Variants in NOS1 observed in about 807,000 individuals in gnomAD.
The protein encoded by NOS1 is nitric oxide synthase 1.
NOS1 carries 51 observed loss-of-function variants against 164.5 expected under a neutral mutation model. The observed-to-expected ratio is 0.31, with a 90% CI of 0.25 to 0.39. The LOEUF (loss-of-function observed/expected upper bound fraction) is 0.39, where lower values mean the gene tolerates loss of function less well. Ranked by LOEUF, NOS1 falls within the 10% of genes least tolerant of loss-of-function variation. The probability of loss-of-function intolerance (pLI) is 1.00; values close to 1 mark genes in which losing one functional copy is unlikely to be tolerated. For synonymous variants in NOS1, 719 were observed against 745.8 expected (o/e 0.96, Z 0.59); for missense variants, 1,362 against 1,885.6 (o/e 0.72, Z 5.14).
At chr12:117,224,421 G>C in intron 25 of NOS1, among the ~76,000 whole-genome samples, 1 of 152,112 alleles carries the variant, frequency 6.6e-6, no homozygotes, top group East Asian at 1.9e-4. Context: ...AAGCAGCTGG[G>C]ACTACATGTG....
intron 1 of NOS1, among the ~76,000 whole-genome samples, chr12:117,340,844 C>T (rs1229687711): frequency 6.6e-6 from 1 of 150,794 alleles, no homozygotes; most frequent in Non-Finnish European, 1.5e-5. Context: ...CTGCCTCAGC[C>T]TCCTGAGTAG....
chr12:117,351,236 C>CT (rs1290805681), intron 1 of NOS1, among the ~76,000 whole-genome samples: 1 of 152,198 alleles, frequency 6.6e-6, no homozygotes, highest in East Asian at 1.9e-4. Flanking sequence ...TTTCTCTGCT[C>CT]TCTCCCTCTC....
At chr12:117,215,411 C>T in intron 28 of NOS1, 87 bp from the exon 29 acceptor site, 2 of 1,382,384 alleles carry the variant, frequency 1.4e-6, no homozygotes, top group Non-Finnish European at 9.5e-7. Context: ...ATCACCCATG[C>T]TCTGGGCTCA....
chr12:117,265,402 T>A lies in NOS1; in HGVS notation c.2050A>T (p.Ile684Phe), dbSNP rs1439010643. The A allele has an allele frequency of 6.3e-7, 1 of 1,597,734 alleles. No homozygotes were observed. Among genetic ancestry groups the A allele is most frequent in the Non-Finnish European group, 8.5e-7 (1 of 1,172,430 alleles). Residue 684 changes from isoleucine (I) to phenylalanine (F), a missense_variant, in exon 12 of 29, where the codon ATC (isoleucine) becomes TTC (phenylalanine). Around this residue, in one of 4 missense-constraint regions of NOS1, gnomAD observed 737 missense variants for 1,030.3 expected, o/e 0.72. Transcript: ENST00000317775. ...RGGCPADWVWIVPPMSGSITP... is the reference protein window; with the variant it reads ...RGGCPADWVWFVPPMSGSITP... ...ATGCTTCCGGACATGGGGGGCACGATCCACACCCAGTCGGCAGGGCAGCCC... is the reference window on the plus strand; with the variant it reads ...ATGCTTCCGGACATGGGGGGCACGAACCACACCCAGTCGGCAGGGCAGCCC...
At chr12:117,336,313 G>A (rs1050507986) in intron 1 of NOS1, among the ~76,000 whole-genome samples, 5 of 152,136 alleles carry the variant, frequency 3.3e-5, no homozygotes, top group African/African-American at 4.8e-5. Context: ...GGATGAAGAG[G>A]AGCCACCAAG....
At position 117,290,334 on chromosome 12, in the gene NOS1, C is replaced by T. The variant is rs543293957; in HGVS notation, c.945G>A (p.Val315=). The change falls in exon 4 of 29, where the codon GTG becomes GTA. Residue 315 remains valine (V), a synonymous_variant. Transcript: ENST00000317775. ...TAAGGTGGAGGGTGTCAGTGAGAAC[C>T]ACCTCAGTCTCCCAGTTCTTGACCT... is the stretch of plus-strand genomic sequence containing the variant. ...FLKVKNWETE[V]VLTDTLHLKS... is the part of the protein sequence containing the mutation. 5 of 1,614,116 alleles carry T rather than the reference C, an allele frequency of 3.1e-6. 1 individual carries two copies. The South Asian group carries it at 5.5e-5, about 18-fold the overall frequency.
chr12:117,214,984 G>GA lies in NOS1; in HGVS notation c.*324dup. 1 of 1,110,338 alleles carries GA rather than the reference G, an allele frequency of 9.0e-7. No individual in the cohort carries two copies. Among genetic ancestry groups the GA allele is most frequent in the East Asian group, 4.9e-5 (1 of 20,274 alleles). 68.8% of individuals were successfully genotyped at this position (1,110,338 alleles called of 1,614,324 possible). ...GCAGCCTTTCCAGGGGAACCCCAGA[G>GA]AAAAAAACCCCCACAGCGACGGCCA... On this transcript the variant is annotated 3_prime_UTR_variant, in exon 29 of 29. Coordinates refer to ENST00000317775, the MANE Select transcript of NOS1 (RefSeq NM_000620.5).
chr12:117,210,364 G>A lies in NOS1; in HGVS notation c.*4945C>T. ...AGAGTATGAATGGGTTATAAAGGAA[G>A]ACTAGTTAGTGTTTCTCTCTCCTTG... On this transcript the variant is annotated 3_prime_UTR_variant, in exon 29 of 29. Coordinates refer to ENST00000317775, the MANE Select transcript of NOS1 (RefSeq NM_000620.5). The A allele has an allele frequency of 9.1e-6, 9 of 985,352 alleles. No individual in the cohort carries two copies. Among genetic ancestry groups the A allele is most frequent in the Non-Finnish European group, 1.1e-5 (9 of 829,928 alleles). 61.0% of individuals were successfully genotyped at this position (985,352 alleles called of 1,614,324 possible).
intron 3 of NOS1, among the ~76,000 whole-genome samples, chr12:117,294,266 TG>T (rs1367248651): frequency 3.3e-5 from 5 of 150,918 alleles, no homozygotes; most frequent in Non-Finnish European, 1.5e-5. Flanking sequence ...ACTCAGAGGG[TG>T]GGGGGCCAGG....
chr12:117,251,368 T>A (rs138295713), intron 17 of NOS1, among the ~76,000 whole-genome samples: 2 of 152,294 alleles, frequency 1.3e-5, no homozygotes, highest in Non-Finnish European at 2.9e-5. Flanking sequence ...GGCGGTTGAT[T>A]CATTAATATT....
intron 1 of NOS1, among the ~76,000 whole-genome samples, chr12:117,359,891 T>C (rs1357717495): frequency 1.6e-4 from 5 of 31,246 alleles, no homozygotes; most frequent in South Asian, 1.1e-3. Flanking sequence ...TATATATATA[T>C]ATATATATAT....
At chr12:117,281,169 A>C (rs942295522) in intron 7 of NOS1, among the ~76,000 whole-genome samples, 3 of 152,220 alleles carry the variant, frequency 2.0e-5, no homozygotes, top group African/African-American at 7.2e-5. Context: ...CCAGTCTTCC[A>C]AAGAGTTCTT....
chr12:117,273,518 A>G (rs752227104), intron 9 of NOS1, among the ~76,000 whole-genome samples: 1 of 152,132 alleles, frequency 6.6e-6, no homozygotes, highest in Admixed American at 6.6e-5. Context: ...GTGGTTTTGC[A>G]ATTACTTTTG....
intron 1 of NOS1, among the ~76,000 whole-genome samples, chr12:117,345,515 AC>A (rs1648417119): frequency 3.9e-5 from 6 of 152,248 alleles, no homozygotes. Context: ...GATTCTAGTC[AC>A]TTGTCAAAGT....
At chr12:117,353,157 ATCTG>A (rs1402021955) in intron 1 of NOS1, among the ~76,000 whole-genome samples, 1 of 152,104 alleles carries the variant, frequency 6.6e-6, no homozygotes, top group African/African-American at 2.4e-5. Flanking sequence ...TATACCTATC[ATCTG>A]TCTATCCATC....
chr12:117,268,046 G>A lies in NOS1; in HGVS notation c.1938C>T (p.Phe646=), dbSNP rs1187847271. 6.2e-7 allele frequency: 1 copy of A among 1,611,272 alleles called. No individual in the cohort carries two copies. The highest frequency in any genetic ancestry group is 8.5e-7 in the Non-Finnish European group (1 of 1,177,782). Reference sequence around the variant, plus strand: ...GTGGTGCGGGCCCTGGTGTTACCTGGAAGCTATAGAGAACCGCGATATTGA... The same window carrying A: ...GTGGTGCGGGCCCTGGTGTTACCTGAAAGCTATAGAGAACCGCGATATTGA... ...VEINIAVLYS[F]QSDKVTIVDH... The change falls in exon 11 of 29, where the codon TTC becomes TTT. Residue 646 remains phenylalanine (F), a synonymous_variant. Transcript: ENST00000317775.
At chr12:117,275,485 T>G (rs763128757) in intron 9 of NOS1, among the ~76,000 whole-genome samples, 41 of 152,124 alleles carry the variant, frequency 2.7e-4, no homozygotes, top group Non-Finnish European at 4.4e-4. Context: ...GAACAGAGGA[T>G]GCTGGAGGCT....
Position 117,211,937 on chromosome 12 carries a change from C to T in NOS1, c.*3372G>A, listed in dbSNP as rs984331030. On this transcript the variant is annotated 3_prime_UTR_variant, in exon 29 of 29. Transcript: ENST00000317775. ...AAACTTAGCTGGGCGTGGTGGTAGG[C>T]GCCTGTAGTCCCAGTTACTCAGGAG... 28 of 628,942 alleles carry T rather than the reference C, an allele frequency of 4.5e-5. No homozygotes were observed. The highest frequency in any genetic ancestry group is 1.4e-4 in the East Asian group (1 of 7,236). 39.0% of individuals were successfully genotyped at this position (628,942 alleles called of 1,614,324 possible). A position where few individuals can be genotyped will look rare whatever the true frequency, so the allele number is the denominator to read the frequency against.
chr12:117,215,113 G>A lies in NOS1; in HGVS notation c.*196C>T, dbSNP rs756933647. Reference sequence around the variant, plus strand: ...CTGCAGATTAGAAAAGCATTGCATCGCAGCAGGAAAACTCAAGGAGTAAAC... The same window carrying A: ...CTGCAGATTAGAAAAGCATTGCATCACAGCAGGAAAACTCAAGGAGTAAAC... On this transcript the variant is annotated 3_prime_UTR_variant, in exon 29 of 29. Transcript: ENST00000317775. 1.9e-4 allele frequency: 239 copies of A among 1,280,884 alleles called. 1 individual carries two copies. The highest frequency in any genetic ancestry group is 9.7e-4 in the Middle Eastern group (4 of 4,106). The allele number at this position is 1,280,884 out of a possible 1,614,324, so 79.3% of individuals were successfully genotyped here. A position where few individuals can be genotyped will look rare whatever the true frequency, so the allele number is the denominator to read the frequency against.
Sources: gnomAD v4.1 joint callset for allele counts (sites outside exome capture counted in the v4.1 genomes callset) on GRCh38, gnomAD v4.1.1 for gene constraint, gnomAD v4.1.1 regional missense constraint, MANE v1.5 for transcripts, NCBI Gene and HGNC (gene_info 2026-07-23, HGNC 2026-07-21) for gene names.